Variants in HTR1F observed in about 807,000 individuals in gnomAD.
The protein encoded by HTR1F is 5-hydroxytryptamine (serotonin) receptor 1F, G protein-coupled.
In HTR1F, 17 loss-of-function variants were observed where a neutral mutation model predicts 24.0. The observed-to-expected ratio is 0.71, with a 90% CI of 0.48 to 1.06. The LOEUF (loss-of-function observed/expected upper bound fraction) is 1.06. Among genes scored for constraint, HTR1F ranks in the 50% least tolerant of loss-of-function variants. The pLI is 0.00. For missense variants in HTR1F, 391 were observed against 427.8 expected (o/e 0.91, Z 0.76); for synonymous variants, 186 against 156.8 (o/e 1.19, Z -1.39).
chr3:87,909,480 T>G (rs1307728586), intron 2 of HTR1F, among the ~76,000 whole-genome samples: 1 of 152,056 alleles, frequency 6.6e-6, no homozygotes, highest in African/African-American at 2.4e-5. Flanking sequence ...CTCACTGATA[T>G]GCATTGAGAA....
intron 2 of HTR1F, among the ~76,000 whole-genome samples, chr3:87,961,719 A>G (rs1437759565): frequency 2.0e-5 from 3 of 152,076 alleles, no homozygotes; most frequent in Non-Finnish European, 4.4e-5. Context: ...ACAAAAAATT[A>G]TACTCAAATC....
intron 2 of HTR1F, among the ~76,000 whole-genome samples, chr3:87,906,853 A>T (rs1703678300): frequency 6.6e-6 from 1 of 152,076 alleles, no homozygotes; most frequent in East Asian, 1.9e-4. Context: ...AGGTTGCTGC[A>T]AATGCCATTA....
At chr3:87,933,308 C>G (rs1307230402) in intron 2 of HTR1F, among the ~76,000 whole-genome samples, 3 of 150,466 alleles carry the variant, frequency 2.0e-5, no homozygotes. Flanking sequence ...CAGGGATGCC[C>G]TCTCTCACCA....
intron 1 of HTR1F, among the ~76,000 whole-genome samples, chr3:87,808,488 C>T (rs1341033340): frequency 1.3e-5 from 2 of 150,162 alleles, no homozygotes; most frequent in Non-Finnish European, 1.5e-5. Context: ...TCTGATTTTG[C>T]CTGGGCCTTC....
rs565292961 is a variant in HTR1F at position 87,858,084 on chromosome 3, C to T, written c.-43+35960C>T. Among the ~76,000 whole-genome samples the T allele has an allele frequency of 5.3e-5, 8 of 152,266 alleles. No homozygotes were observed. In the South Asian group the frequency reaches 1.7e-3, roughly 32 times the overall value. Reference sequence around the variant, plus strand: ...GAGAAAGCGAATTATAATCTATTCTCTACCCTAGTCCCACAAACTCAGGCC... The same window carrying T: ...GAGAAAGCGAATTATAATCTATTCTTTACCCTAGTCCCACAAACTCAGGCC... On this transcript the variant is annotated intron_variant, in intron 2 of 2. Transcript: ENST00000319595.
chr3:87,843,974 G>C (rs553478477), intron 2 of HTR1F, among the ~76,000 whole-genome samples: 1 of 151,152 alleles, frequency 6.6e-6, no homozygotes, highest in African/African-American at 2.5e-5. Flanking sequence ...TGTGAATAAT[G>C]CTGCAATAAA....
chr3:87,824,078 TC>T (rs575661973), intron 2 of HTR1F, among the ~76,000 whole-genome samples: 127 of 151,596 alleles, frequency 8.4e-4, no homozygotes, highest in Non-Finnish European at 1.2e-3. Context: ...TGCAGAAGTC[TC>T]CCAGATCTTT....
At chr3:87,885,771 C>T (rs188442133) in intron 2 of HTR1F, among the ~76,000 whole-genome samples, 23 of 152,036 alleles carry the variant, frequency 1.5e-4, no homozygotes, top group Non-Finnish European at 1.5e-5. Flanking sequence ...ACACATACAC[C>T]CTCCCAAGAC....
chr3:87,860,718 T>C (rs188764575), intron 2 of HTR1F, among the ~76,000 whole-genome samples: 1 of 152,310 alleles, frequency 6.6e-6, no homozygotes, highest in East Asian at 1.9e-4. Context: ...TCAGCATTCA[T>C]TTGCTTGCAT....
intron 2 of HTR1F, among the ~76,000 whole-genome samples, chr3:87,882,102 TG>T (rs1370781251): frequency 6.6e-6 from 1 of 152,058 alleles, no homozygotes; most frequent in East Asian, 1.9e-4. Context: ...AAAAGACACA[TG>T]AAAAAATGGT....
Position 87,898,704 on chromosome 3 carries a change from AG to A in HTR1F, c.-43+76584del, listed in dbSNP as rs1415124578. The stretch of plus-strand genomic sequence containing the variant: ...TAGCTGACCAATATTTTTTTTCTTA[AG>A]GGGTATTTGTTTTTGTTAATGCTTT... On this transcript the variant is annotated intron_variant, in intron 2 of 2. Coordinates refer to ENST00000319595, the MANE Select transcript of HTR1F (RefSeq NM_001322209.2). Among the ~76,000 whole-genome samples, 46 of 152,070 alleles carry A rather than the reference AG, an allele frequency of 3.0e-4. No homozygotes were observed. The South Asian group carries it at 9.6e-3, about 32-fold the overall frequency.
intron 2 of HTR1F, among the ~76,000 whole-genome samples, chr3:87,946,624 TATA>T (rs145941782): frequency 0.026 from 2,259 of 87,960 alleles, 24 homozygotes; most frequent in African/African-American, 0.062. Flanking sequence ...TATATATATA[TATA>T]TTTTTTTTTT....
intron 2 of HTR1F, among the ~76,000 whole-genome samples, chr3:87,914,666 A>C (rs1014510552): frequency 1.3e-5 from 2 of 151,860 alleles, no homozygotes; most frequent in Non-Finnish European, 2.9e-5. Flanking sequence ...CCTCACCCCC[A>C]TCCTCCACAG....
chr3:87,952,555 T>G (rs1396834090), intron 2 of HTR1F, among the ~76,000 whole-genome samples: 1 of 151,952 alleles, frequency 6.6e-6, no homozygotes, highest in Non-Finnish European at 1.5e-5. Context: ...TCAGCATCAA[T>G]AAATTGCGAT....
intron 2 of HTR1F, among the ~76,000 whole-genome samples, chr3:87,978,521 G>T (rs1414146328): frequency 6.6e-6 from 1 of 152,096 alleles, no homozygotes; most frequent in African/African-American, 2.4e-5. Context: ...GACCCAGAGT[G>T]GTTAGCTCCC....
chr3:87,847,052 T>A (rs1466958697), intron 2 of HTR1F, among the ~76,000 whole-genome samples: 1 of 151,596 alleles, frequency 6.6e-6, no homozygotes, highest in African/African-American at 2.4e-5. Context: ...AACATTTAAA[T>A]ACAAAATGGG....
chr3:87,855,368 G>T (rs1380602421), intron 2 of HTR1F, among the ~76,000 whole-genome samples: 1 of 151,988 alleles, frequency 6.6e-6, no homozygotes, highest in African/African-American at 2.4e-5. Context: ...CATGGATCAA[G>T]CTCTTCCTAG....
At chr3:87,952,665 T>C (rs184739533) in intron 2 of HTR1F, among the ~76,000 whole-genome samples, 20 of 152,082 alleles carry the variant, frequency 1.3e-4, no homozygotes, top group African/African-American at 4.6e-4. Flanking sequence ...ACGCGTAATT[T>C]CTGACAAAAT....
At position 87,932,365 on chromosome 3, in the gene HTR1F, C is replaced by CG. The variant is rs1168462539; in HGVS notation, c.-42-58342dup. Among the ~76,000 whole-genome samples the CG allele has an allele frequency of 2.0e-5, 3 of 151,916 alleles. No homozygotes were observed. The East Asian group carries it at 5.8e-4, about 29-fold the overall frequency. On this transcript the variant is annotated intron_variant, in intron 2 of 2. Coordinates refer to ENST00000319595, the MANE Select transcript of HTR1F (RefSeq NM_001322209.2). ...AGATCAGATAGTTGTAGATATGCAG[C>CG]GTTATTTCTGAGGGATCCATTCTGT...
Sources: gnomAD v4.1 joint callset for allele counts (sites outside exome capture counted in the v4.1 genomes callset) on GRCh38, gnomAD v4.1.1 for gene constraint, MANE v1.5 for transcripts, NCBI Gene and HGNC (gene_info 2026-07-23, HGNC 2026-07-21) for gene names.